Variants in PARP15 observed in about 807,000 individuals in gnomAD.
PARP15 encodes poly(ADP-ribose) polymerase family member 15, also known as protein mono-ADP-ribosyltransferase PARP15.
PARP15 carries 50 observed loss-of-function variants against 62.1 expected under a neutral mutation model. The ratio of observed to expected loss-of-function variants is 0.81; its 90% confidence interval spans 0.64 to 1.02. The LOEUF is 1.02. Ranked by LOEUF, PARP15 falls within the 50% of genes least tolerant of loss-of-function variation. PARP15 has a pLI of 0.00. For missense variants in PARP15, 820 were observed against 826.5 expected (o/e 0.99, Z 0.10); for synonymous variants, 309 against 293.1 (o/e 1.05, Z -0.55).
At chr3:122,587,226 T>C (rs1427222974) in intron 1 of PARP15, among the ~76,000 whole-genome samples, 1 of 152,250 alleles carries the variant, frequency 6.6e-6, no homozygotes, top group Non-Finnish European at 1.5e-5. Context: ...CTTCCAAGCT[T>C]TGGCAATTAT....
At chr3:122,607,303 T>A (rs568824307) in intron 2 of PARP15, among the ~76,000 whole-genome samples, 2,460 of 152,308 alleles carry the variant, frequency 0.016, 65 homozygotes, top group African/African-American at 0.053. Flanking sequence ...TCACTCTAGT[T>A]ATAGGCATAG....
intron 8 of PARP15, among the ~76,000 whole-genome samples, chr3:122,624,677 T>C (rs1035579768): frequency 2.6e-5 from 4 of 152,166 alleles, no homozygotes; most frequent in Admixed American, 1.3e-4. Context: ...CACTTTGACG[T>C]CTCATACTTC....
At chr3:122,629,485 C>T (rs1167377158) in intron 9 of PARP15, among the ~76,000 whole-genome samples, 1 of 152,102 alleles carries the variant, frequency 6.6e-6, no homozygotes, top group African/African-American at 2.4e-5. Flanking sequence ...TCCTGAACTA[C>T]CAGGAATTTG....
intron 1 of PARP15, among the ~76,000 whole-genome samples, chr3:122,584,870 G>A (rs909363299): frequency 5.3e-5 from 8 of 152,150 alleles, no homozygotes; most frequent in African/African-American, 1.7e-4. Context: ...GAGCTACCAC[G>A]CCGGGCCCAT....
chr3:122,580,441 A>C (rs1187349228), intron 1 of PARP15, among the ~76,000 whole-genome samples: 1 of 152,164 alleles, frequency 6.6e-6, no homozygotes, highest in Non-Finnish European at 1.5e-5. Context: ...GAAATCTACC[A>C]AGTTTCTTTT....
At chr3:122,584,573 C>CTTTTTTTT (rs377394521) in intron 1 of PARP15, among the ~76,000 whole-genome samples, 27,380 of 133,282 alleles carry the variant, frequency 0.21, 3,101 homozygotes, top group African/African-American at 0.25. Context: ...CCATTTCTTT[C>CTTTTTTTT]CTTTTTTTTT....
intron 10 of PARP15, among the ~76,000 whole-genome samples, chr3:122,633,564 A>T (rs562037505): frequency 2.0e-5 from 3 of 152,050 alleles, no homozygotes; most frequent in African/African-American, 7.2e-5. Context: ...ATTATTCCCT[A>T]AACAATATAA....
intron 10 of PARP15, among the ~76,000 whole-genome samples, chr3:122,634,578 T>C (rs1937245461): frequency 2.0e-5 from 3 of 152,134 alleles, no homozygotes; most frequent in African/African-American, 7.2e-5. Flanking sequence ...GTGACCATAA[T>C]TGGAGCAATA....
intron 1 of PARP15, among the ~76,000 whole-genome samples, chr3:122,582,651 G>T (rs7615968): frequency 0.37 from 56,436 of 151,952 alleles, 10,906 homozygotes; most frequent in Admixed American, 0.46. Flanking sequence ...TCAAGTAGAT[G>T]TGTCTAGGTG....
chr3:122,583,048 G>A (rs569548368), intron 1 of PARP15, among the ~76,000 whole-genome samples: 1 of 149,368 alleles, frequency 6.7e-6, no homozygotes, highest in East Asian at 2.0e-4. Flanking sequence ...CTACCTTCTT[G>A]GAAGTATGAA....
Position 122,635,189 on chromosome 3 carries a change from A to C in PARP15, c.1742A>C (p.Lys581Thr). The C allele has an allele frequency of 1.2e-6, 2 of 1,612,946 alleles. No individual in the cohort carries two copies. The highest frequency in any genetic ancestry group is 1.7e-5 in the Admixed American group (1 of 59,804). The change falls in exon 11 of 12, where the codon AAA (lysine) becomes ACA (threonine). Residue 581 changes from lysine (K) to threonine (T), a missense_variant. Around this residue, in one of 3 missense-constraint regions of PARP15, gnomAD observed 731 missense variants for 727.7 expected, o/e 1.00. Coordinates refer to ENST00000464300, the MANE Select transcript of PARP15 (RefSeq NM_001113523.3). Reference protein sequence around the residue: ...QHGFNRSCAGKNAVSYGKGTY... With the variant: ...QHGFNRSCAGTNAVSYGKGTY... The stretch of plus-strand genomic sequence containing the variant: ...GGCTTTAATAGAAGTTGTGCTGGGA[A>C]AAATGGTAAGGAAGCAAGTAATTTG...
chr3:122,590,051 A>C (rs1380174373), intron 1 of PARP15, among the ~76,000 whole-genome samples: 1 of 151,180 alleles, frequency 6.6e-6, no homozygotes. Context: ...ACGCCTGGCT[A>C]ATTTTTTTGT....
In PARP15 at chr3:122,637,989, C is replaced by CCT. The variant is rs1560013926; in HGVS notation, c.*1890_*1891dup. The CCT allele has an allele frequency of 6.6e-6, 1 of 152,152 alleles. No homozygotes were observed. Among genetic ancestry groups the CCT allele is most frequent in the African/African-American group, 2.4e-5 (1 of 41,414 alleles). 9.4% of individuals were successfully genotyped at this position (152,152 alleles called of 1,614,324 possible). Reference sequence around the variant, plus strand: ...AACAGGCCCCGGTGTGTGATGTTCCCCTTCCTGTGTCCATGTGTTCTCATT... The same window carrying CCT: ...AACAGGCCCCGGTGTGTGATGTTCCCCTCTTCCTGTGTCCATGTGTTCTCATT... On this transcript the variant is annotated 3_prime_UTR_variant, in exon 12 of 12. Coordinates refer to ENST00000464300, the MANE Select transcript of PARP15 (RefSeq NM_001113523.3).
At chr3:122,621,679 T>C (rs746839287) in intron 8 of PARP15, 68 bp downstream of exon 8, 2 of 1,420,028 alleles carry the variant, frequency 1.4e-6, no homozygotes, top group South Asian at 1.5e-5. Context: ...GTCTCACTCT[T>C]AAGCAGATCA....
At chr3:122,613,389 A>T (rs1231031219) in intron 4 of PARP15, 121 bp downstream of exon 4, 21 of 845,512 alleles carry the variant, frequency 2.5e-5, no homozygotes, top group Non-Finnish European at 3.9e-5. Flanking sequence ...ATGGTTGCTA[A>T]TGGGAGGTTG....
At chr3:122,626,622 T>G (rs562207961) in intron 8 of PARP15, among the ~76,000 whole-genome samples, 32 of 152,186 alleles carry the variant, frequency 2.1e-4, no homozygotes, top group Non-Finnish European at 4.0e-4. Flanking sequence ...TTGTGTTAAT[T>G]CATCATGGTC....
At chr3:122,598,901 A>AT (rs1332074188) in intron 1 of PARP15, among the ~76,000 whole-genome samples, 1 of 151,096 alleles carries the variant, frequency 6.6e-6, no homozygotes, top group Admixed American at 6.6e-5. Context: ...TTTATTTTTT[A>AT]TTTTTTTGAG....
intron 1 of PARP15, among the ~76,000 whole-genome samples, chr3:122,586,675 C>T (rs1214581482): frequency 6.6e-6 from 1 of 152,112 alleles, no homozygotes; most frequent in Non-Finnish European, 1.5e-5. Flanking sequence ...GTTCCCAGCA[C>T]AATTTAGCAG....
At chr3:122,621,641 T>G in intron 8 of PARP15, 30 bp downstream of exon 8, 1 of 1,547,750 alleles carries the variant, frequency 6.5e-7, no homozygotes, top group Non-Finnish European at 8.7e-7. Flanking sequence ...ATAATAAAAT[T>G]TGAGTGATAC....
Sources: allele counts gnomAD v4.1 joint callset (sites outside exome capture counted in the v4.1 genomes callset), GRCh38; gene constraint gnomAD v4.1.1; regional missense constraint gnomAD v4.1.1; transcripts MANE v1.5; gene names NCBI Gene and HGNC (gene_info 2026-07-23, HGNC 2026-07-21).